Variants in CSGALNACT1 observed in about 807,000 individuals in gnomAD.
CSGALNACT1 encodes chondroitin sulfate N-acetylgalactosaminyltransferase 1, also known as beta4GalNAcT-1.
In CSGALNACT1, 52 loss-of-function variants were observed where a neutral mutation model predicts 51.0. The ratio of observed to expected loss-of-function variants is 1.02; its 90% CI spans 0.82 to 1.29. The LOEUF is 1.29. Among genes scored for constraint, CSGALNACT1 ranks in the 50% most tolerant of loss-of-function variants. The pLI is 0.00. For synonymous variants in CSGALNACT1, 341 were observed against 254.4 expected, an observed-to-expected ratio of 1.34 and a Z score of -3.24; for missense variants, 935 against 679.2, an observed-to-expected ratio of 1.38 and a Z score of -4.19.
chr8:19,739,788 C>G (rs1383735118), intron 1 of CSGALNACT1, among the ~76,000 whole-genome samples: 2 of 152,230 alleles, frequency 1.3e-5, no homozygotes, highest in Non-Finnish European at 2.9e-5. Context: ...TTCCTAATAA[C>G]TGTGTGGAAC....
At chr8:19,672,652 T>C (rs1304874677) in intron 1 of CSGALNACT1, among the ~76,000 whole-genome samples, 1 of 152,206 alleles carries the variant, frequency 6.6e-6, no homozygotes, top group Non-Finnish European at 1.5e-5. Flanking sequence ...TGCCTTACAC[T>C]GGTAACATAA....
At chr8:19,405,719 G>A (rs977533246) in exon 10 of CSGALNACT1, 59 of 1,598,512 alleles carry the variant, frequency 3.7e-5, no homozygotes, top group Admixed American at 1.5e-4. Flanking sequence ...CTCTGTTGCA[G>A]CCACTTTCAG....
intron 6 of CSGALNACT1, among the ~76,000 whole-genome samples, chr8:19,437,221 G>A (rs573282827): frequency 3.3e-4 from 50 of 152,238 alleles, no homozygotes; most frequent in Non-Finnish European, 6.8e-4. Flanking sequence ...TGGGAACTTA[G>A]GTGGGGAGTG....
At chr8:19,596,895 TCA>T (rs1225934016) in intron 2 of CSGALNACT1, among the ~76,000 whole-genome samples, 3 of 152,368 alleles carry the variant, frequency 2.0e-5, no homozygotes, top group African/African-American at 7.2e-5. Context: ...TTAAATACAG[TCA>T]CAGTTTTCTA....
intron 4 of CSGALNACT1, among the ~76,000 whole-genome samples, chr8:19,487,105 T>C (rs567897980): frequency 1.2e-4 from 19 of 152,172 alleles, no homozygotes; most frequent in African/African-American, 1.7e-4. Context: ...TTCTGAAGAA[T>C]TGCCTCAATT....
intron 5 of CSGALNACT1, among the ~76,000 whole-genome samples, chr8:19,455,458 T>C (rs1285187121): frequency 6.6e-6 from 1 of 152,214 alleles, no homozygotes; most frequent in Non-Finnish European, 1.5e-5. Flanking sequence ...AGTAACTTTA[T>C]GGTCATGTTA....
At chr8:19,513,406 C>T (rs1484150991) in intron 3 of CSGALNACT1, among the ~76,000 whole-genome samples, 2 of 55,530 alleles carry the variant, frequency 3.6e-5, no homozygotes, top group East Asian at 7.1e-4. Flanking sequence ...ATAGAATTTT[C>T]TCTCTCTCAC....
At chr8:19,592,289 T>A (rs1475746874) in intron 2 of CSGALNACT1, among the ~76,000 whole-genome samples, 1 of 152,216 alleles carries the variant, frequency 6.6e-6, no homozygotes, top group African/African-American at 2.4e-5. Flanking sequence ...TGCTGATACT[T>A]GCACTTTTGT....
intron 1 of CSGALNACT1, among the ~76,000 whole-genome samples, chr8:19,630,044 A>G (rs943295161): frequency 1.3e-5 from 2 of 152,118 alleles, no homozygotes; most frequent in African/African-American, 4.8e-5. Flanking sequence ...CATGGATGCT[A>G]TGGCAGAGCA....
chr8:19,690,262 G>C (rs976626502), intron 1 of CSGALNACT1, among the ~76,000 whole-genome samples: 4 of 152,126 alleles, frequency 2.6e-5, no homozygotes, highest in African/African-American at 9.7e-5. Flanking sequence ...CCTTCCAGAA[G>C]GCAACATTAA....
chr8:19,697,352 T>C (rs1422306660), intron 1 of CSGALNACT1, among the ~76,000 whole-genome samples: 1 of 152,098 alleles, frequency 6.6e-6, no homozygotes, highest in African/African-American at 2.4e-5. Flanking sequence ...TCCAGGTCTA[T>C]GGCTTTGGCA....
At chr8:19,697,721 G>A (rs904935343) in intron 1 of CSGALNACT1, among the ~76,000 whole-genome samples, 14 of 152,150 alleles carry the variant, frequency 9.2e-5, no homozygotes, top group African/African-American at 3.4e-4. Flanking sequence ...TGAGTCCACT[G>A]TGGGACATGT....
rs2047722875 is a variant in CSGALNACT1 at position 19,591,115 on chromosome 8, T to C, written c.-297+45A>G. 2.0e-5 allele frequency: 3 copies of C among 152,308 alleles called. No individual in the cohort carries two copies. The East Asian group carries it at 5.8e-4, about 29-fold the overall frequency. 9.4% of individuals were successfully genotyped at this position (152,308 alleles called of 1,614,324 possible). ...GGCAGAGAATAGGAAGGGTTCTTTT[T>C]CACAGAGCTGATATTTAGAAGAAGA... is the stretch of plus-strand genomic sequence containing the variant. On this transcript the variant is annotated intron_variant, in intron 3 of 9. Coordinates refer to ENST00000454498, the Ensembl canonical transcript of CSGALNACT1.
intron 2 of CSGALNACT1, among the ~76,000 whole-genome samples, chr8:19,596,604 A>G (rs2048956597): frequency 6.6e-6 from 1 of 152,024 alleles, no homozygotes; most frequent in East Asian, 1.9e-4. Flanking sequence ...AAAAAAAAAA[A>G]AGACAACAAA....
chr8:19,614,655 C>A (rs1223260464), intron 1 of CSGALNACT1, among the ~76,000 whole-genome samples: 2 of 151,984 alleles, frequency 1.3e-5, no homozygotes, highest in Non-Finnish European at 2.9e-5. Flanking sequence ...CTATATAGGG[C>A]CTGGTACTGA....
intron 1 of CSGALNACT1, among the ~76,000 whole-genome samples, chr8:19,615,565 TAGAG>T (rs1221532835): frequency 1.3e-5 from 2 of 152,026 alleles, no homozygotes; most frequent in Non-Finnish European, 2.9e-5. Context: ...ACTAAAGCAA[TAGAG>T]AATTATAAGA....
At chr8:19,592,709 G>C (rs144161716) in intron 2 of CSGALNACT1, among the ~76,000 whole-genome samples, 1 of 152,076 alleles carries the variant, frequency 6.6e-6, no homozygotes, top group East Asian at 1.9e-4. Context: ...AGCCAAGATC[G>C]CACCACTGTG....
intron 5 of CSGALNACT1, among the ~76,000 whole-genome samples, chr8:19,456,892 C>T (rs1352210499): frequency 6.6e-6 from 1 of 152,208 alleles, no homozygotes; most frequent in African/African-American, 2.4e-5. Context: ...GTGATGACCA[C>T]CTTCAAATAT....
intron 1 of CSGALNACT1, among the ~76,000 whole-genome samples, chr8:19,636,765 G>A (rs568932353): frequency 3.9e-5 from 6 of 152,204 alleles, no homozygotes; most frequent in South Asian, 2.1e-4. Flanking sequence ...TCCTTCTCCC[G>A]AGTTTTGTAA....
Sources: allele counts gnomAD v4.1 joint callset (sites outside exome capture counted in the v4.1 genomes callset), GRCh38; gene constraint gnomAD v4.1.1; transcripts MANE v1.5; gene names NCBI Gene and HGNC (gene_info 2026-07-23, HGNC 2026-07-21).